The following SYT1 variants were observed in gnomAD, a reference collection of about 807,000 sequenced individuals.
SYT1 encodes the protein synaptotagmin-1.
Under a neutral mutation model 44.8 loss-of-function variants are expected in SYT1, and 8 were observed. The observed-to-expected ratio is 0.18, with a 90% CI of 0.10 to 0.32. SYT1 has a LOEUF of 0.32. Ranked by LOEUF, SYT1 falls within the 10% of genes least tolerant of loss-of-function variation. The pLI, the probability that SYT1 is intolerant of heterozygous loss-of-function variation, is 1.00. For synonymous variants in SYT1, 154 were observed against 188.8 expected (o/e 0.82, Z 1.51); for missense variants, 286 against 509.3 (o/e 0.56, Z 4.22).
At chr12:78,868,994 A>C (rs1052799428) in intron 1 of SYT1, 4 of 151,906 alleles carry the variant, frequency 2.6e-5, no homozygotes, top group Admixed American at 1.3e-4. Flanking sequence ...GGCTTTTGGC[A>C]GATGTTTCTT....
chr12:79,185,503 T>A (rs1186536837), intron 3 of SYT1, among the ~76,000 whole-genome samples: 1 of 151,986 alleles, frequency 6.6e-6, no homozygotes, highest in African/African-American at 2.4e-5. Flanking sequence ...CATTATATCT[T>A]GTTATATAAG....
At chr12:79,273,773 C>T (rs774569643) in intron 4 of SYT1, among the ~76,000 whole-genome samples, 13 of 152,210 alleles carry the variant, frequency 8.5e-5, no homozygotes, top group Non-Finnish European at 1.3e-4. Flanking sequence ...ACTCAGCCAG[C>T]GCTTAGAGGT....
At chr12:79,275,107 A>G (rs1878640837) in intron 4 of SYT1, among the ~76,000 whole-genome samples, 1 of 152,102 alleles carries the variant, frequency 6.6e-6, no homozygotes, top group African/African-American at 2.4e-5. Flanking sequence ...GGAGTGCACC[A>G]CACCAAGGGA....
chr12:79,293,325 A>AAAAATAAAATAAAAT lies in SYT1; in HGVS notation c.474+1266_474+1280dup, dbSNP rs71091659. Among the ~76,000 whole-genome samples the AAAAATAAAATAAAAT allele has an allele frequency of 9.2e-4, 103 of 111,552 alleles. 3 individuals are homozygous for AAAAATAAAATAAAAT. Among genetic ancestry groups the AAAAATAAAATAAAAT allele is most frequent in the Admixed American group, 2.3e-3 (23 of 9,804 alleles). The allele number at this position is 111,552 out of a possible 152,430, so 73.2% of individuals were successfully genotyped here. On this transcript the variant is annotated intron_variant, in intron 6 of 10. Transcript: ENST00000261205. ...GGCGACAGAGCGAGACTCCATCTCA[A>AAAAATAAAATAAAAT]AAAATAAAATAAAATAAAATAAAAT...
chr12:79,043,306 C>G lies in SYT1; in HGVS notation c.-83-3991C>G, dbSNP rs531303568. On this transcript the variant is annotated intron_variant, in intron 2 of 10. Coordinates refer to ENST00000261205, the MANE Select transcript of SYT1 (RefSeq NM_005639.3). ...CAGGACTTGCTTTATGAATCTGGGT[C>G]CTCCTGTATTGGGTGCATATATATT... Among the ~76,000 whole-genome samples the G allele has an allele frequency of 3.0e-4, 45 of 151,232 alleles. 1 individual carries two copies. The East Asian group carries it at 5.3e-3, about 18-fold the overall frequency.
intron 3 of SYT1, among the ~76,000 whole-genome samples, chr12:79,148,025 T>TA (rs1336836701): frequency 1.4e-5 from 2 of 144,446 alleles, no homozygotes. Context: ...TAAACATTAA[T>TA]GAAAAAAAAG....
intron 3 of SYT1, among the ~76,000 whole-genome samples, chr12:79,085,626 G>C (rs752361054): frequency 1.8e-4 from 27 of 152,104 alleles, no homozygotes; most frequent in Non-Finnish European, 3.4e-4. Context: ...GTCCTAATTA[G>C]AGAACTGCCA....
intron 9 of SYT1, among the ~76,000 whole-genome samples, chr12:79,359,212 G>A (rs1883227045): frequency 6.6e-6 from 1 of 152,172 alleles, no homozygotes; most frequent in Non-Finnish European, 1.5e-5. Context: ...AGTATGTCAA[G>A]CATGGGGGCA....
intron 3 of SYT1, among the ~76,000 whole-genome samples, chr12:79,151,551 AC>A (rs1215930264): frequency 6.6e-6 from 1 of 152,152 alleles, no homozygotes; most frequent in African/African-American, 2.4e-5. Context: ...ATAATAAAAA[AC>A]ATCACCCTAA....
chr12:78,982,070 A>G (rs994653959), intron 2 of SYT1, among the ~76,000 whole-genome samples: 1 of 152,128 alleles, frequency 6.6e-6, no homozygotes, highest in African/African-American at 2.4e-5. Context: ...ACTTCCATTT[A>G]ACCTTAAAAA....
intron 3 of SYT1, among the ~76,000 whole-genome samples, chr12:79,195,448 T>G (rs1873391850): frequency 6.6e-6 from 1 of 151,748 alleles, no homozygotes; most frequent in African/African-American, 2.4e-5. Flanking sequence ...ACCAGGTGCT[T>G]TGATTAATTC....
chr12:79,243,413 TTAAGA>T (rs1876631313), intron 4 of SYT1, among the ~76,000 whole-genome samples: 2 of 152,180 alleles, frequency 1.3e-5, no homozygotes, highest in Non-Finnish European at 2.9e-5. Context: ...TGCTGGTAAA[TTAAGA>T]TAAGAATATT....
At chr12:78,921,619 T>C (rs1321508450) in intron 1 of SYT1, among the ~76,000 whole-genome samples, 1 of 151,866 alleles carries the variant, frequency 6.6e-6, no homozygotes, top group Admixed American at 6.6e-5. Flanking sequence ...AGGCAAAAAG[T>C]GCTAGGTAAT....
intron 3 of SYT1, among the ~76,000 whole-genome samples, chr12:79,123,352 T>TGTGTGTGTGTGTGTGTG (rs1565816421): frequency 1.0e-4 from 15 of 149,678 alleles, no homozygotes; most frequent in Admixed American, 1.3e-4. Context: ...TGTGTGTGTG[T>TGTGTGTGTGTGTGTGTG]TTAGCTATCA....
At chr12:79,021,546 A>G (rs2137624992) in intron 2 of SYT1, among the ~76,000 whole-genome samples, 2 of 151,968 alleles carry the variant, frequency 1.3e-5, no homozygotes, top group Non-Finnish European at 2.9e-5. Flanking sequence ...ATAGCATCGT[A>G]CAATTGATAA....
At chr12:79,064,984 G>GAA (rs1377581326) in intron 3 of SYT1, among the ~76,000 whole-genome samples, 12 of 140,400 alleles carry the variant, frequency 8.5e-5, no homozygotes. Context: ...AAGAAAGAAA[G>GAA]AAAGAAAGAA....
chr12:79,340,907 G>C (rs1882342648), intron 8 of SYT1, among the ~76,000 whole-genome samples: 1 of 152,156 alleles, frequency 6.6e-6, no homozygotes, highest in Non-Finnish European at 1.5e-5. Flanking sequence ...AGTCACAGTA[G>C]TAATTATTTA....
chr12:79,408,684 C>A (rs548527667), intron 9 of SYT1, among the ~76,000 whole-genome samples: 1 of 151,186 alleles, frequency 6.6e-6, no homozygotes, highest in East Asian at 1.9e-4. Flanking sequence ...TTTGTCCTGG[C>A]GCCTCCAAAT....
chr12:79,393,867 T>C (rs1330541862), intron 9 of SYT1: 1 of 152,190 alleles, frequency 6.6e-6, no homozygotes, highest in Admixed American at 6.5e-5. Flanking sequence ...TTTAAGCTTC[T>C]CTGTCAGCCT....
Sources: allele counts gnomAD v4.1 joint callset (sites outside exome capture counted in the v4.1 genomes callset), GRCh38; gene constraint gnomAD v4.1.1; transcripts MANE v1.5; gene names NCBI Gene and HGNC (gene_info 2026-07-23, HGNC 2026-07-21).